CSAD: variants seen among roughly 807,000 people sequenced by gnomAD.
CSAD encodes P-selectin cytoplasmic tail-associated protein.
A neutral mutation model predicts 61.5 loss-of-function variants in CSAD; 47 were observed. That is an observed-to-expected ratio of 0.76 (90% CI 0.60 to 0.97). The LOEUF is 0.97. Ranked by LOEUF, CSAD falls within the 50% of genes least tolerant of loss-of-function variation. CSAD has a pLI of 0.00. For missense variants in CSAD, 611 were observed against 643.6 expected (o/e 0.95, Z 0.55); for synonymous variants, 245 against 252.7 (o/e 0.97, Z 0.29).
intron 10 of CSAD, among the ~76,000 whole-genome samples, chr12:53,165,731 C>G (rs1216705616): frequency 1.3e-5 from 2 of 150,160 alleles, no homozygotes; most frequent in Non-Finnish European, 3.0e-5. Context: ...TAAATTAGAA[C>G]CCTTGTGCAC....
chr12:53,173,293 G>C, intron 4 of CSAD, 52 bp downstream of exon 4: 1 of 1,505,130 alleles, frequency 6.6e-7, no homozygotes, highest in Non-Finnish European at 9.1e-7. Context: ...AAAGAAAAGA[G>C]AAAAGAAAAG....
At chr12:53,180,682 G>C (rs1222751270) in intron 1 of CSAD, 50 bp downstream of exon 1, 1 of 1,275,622 alleles carries the variant, frequency 7.8e-7, no homozygotes, top group South Asian at 1.3e-5. Context: ...CGAGGGGGAG[G>C]GGGAAGTGCT....
upstream of CSAD, chr12:53,180,933 G>A (rs1941568912): frequency 2.0e-6 from 2 of 1,009,378 alleles, no homozygotes; most frequent in Non-Finnish European, 2.4e-6. Context: ...AAGGGGGAGG[G>A]GAGGGGAGGA....
intron 16 of CSAD, 79 bp downstream of exon 16, chr12:53,159,544 C>T: frequency 7.9e-7 from 1 of 1,262,744 alleles, no homozygotes; most frequent in South Asian, 1.3e-5. Flanking sequence ...TGCCATGCCA[C>T]TCCCAGCCAA....
chr12:53,160,762 C>G lies in CSAD; in HGVS notation c.966+1G>C. 3.2e-6 allele frequency: 5 copies of G among 1,551,498 alleles called. No individual in the cohort carries two copies. Among genetic ancestry groups the G allele is most frequent in the Non-Finnish European group, 4.4e-6 (5 of 1,146,880 alleles). On this transcript the variant is annotated splice_donor_variant, in intron 13 of 16. Transcript: ENST00000444623. LOFTEE classifies it high-confidence loss of function. ...TGGTGCAGGGGCAGGGGCAGACCCA[C>G]CGAGGTATCCTGGAGAAGAAGTGCA...
At chr12:53,167,911 C>T (rs1331444172) in intron 10 of CSAD, among the ~76,000 whole-genome samples, 1 of 152,136 alleles carries the variant, frequency 6.6e-6, no homozygotes, top group Admixed American at 6.5e-5. Context: ...TATTTTCACA[C>T]AAAAATCTGT....
At chr12:53,160,340 T>G in intron 13 of CSAD, 21 bp from the exon 14 acceptor site, 1 of 1,610,640 alleles carries the variant, frequency 6.2e-7, no homozygotes, top group Non-Finnish European at 8.5e-7. Flanking sequence ...GTGAGGAGAT[T>G]GTCAGACCCT....
At chr12:53,159,453 GA>G in intron 16 of CSAD, 169 bp downstream of exon 16, 1 of 622,006 alleles carries the variant, frequency 1.6e-6, no homozygotes, top group South Asian at 1.9e-5. Flanking sequence ...TTACTTCCCA[GA>G]AACATACCTT....
In CSAD at chr12:53,160,102, C is replaced by T. The variant is rs944470932; in HGVS notation, c.1166+18G>A. 1.9e-6 allele frequency: 3 copies of T among 1,612,026 alleles called. No individual in the cohort carries two copies. The highest frequency in any genetic ancestry group is 1.7e-5 in the Admixed American group (1 of 60,020). The stretch of plus-strand genomic sequence containing the variant: ...AGGAGAGGGGAACAGGGACGACCCC[C>T]CACCTCCTCCCGCCTACCGGGCAAG... On this transcript the variant is annotated intron_variant, in intron 14 of 16. Coordinates refer to ENST00000444623, the MANE Select transcript of CSAD (RefSeq NM_001244705.2).
chr12:53,180,442 C>A (rs917962376), intron 1 of CSAD: 58 of 1,178,918 alleles, frequency 4.9e-5, no homozygotes, highest in Non-Finnish European at 5.7e-5. Context: ...AGCGTACAAT[C>A]ATCGAAGGGC....
rs373664747 is a variant in CSAD, at chr12:53,158,499, G to A, written c.*12C>T. 3.7e-6 allele frequency: 6 copies of A among 1,608,520 alleles called. No homozygotes were observed. Among genetic ancestry groups the A allele is most frequent in the Non-Finnish European group, 5.1e-6 (6 of 1,176,122 alleles). On this transcript the variant is annotated 3_prime_UTR_variant, in exon 17 of 17. Coordinates refer to ENST00000444623, the MANE Select transcript of CSAD (RefSeq NM_001244705.2). ...GGGGTGGTATCAAGGCCGGCAGCAA[G>A]ACAGAGAAGGCTCACAGGTCCTGGC...
intron 1 of CSAD, chr12:53,179,982 G>T: frequency 6.7e-7 from 1 of 1,502,620 alleles, no homozygotes; most frequent in Non-Finnish European, 8.8e-7. Flanking sequence ...TCTTTTCCAC[G>T]TGTGGAGGCT....
intron 4 of CSAD, 79 bp from the exon 5 acceptor site, chr12:53,172,727 A>T (rs749679562): frequency 1.4e-5 from 21 of 1,467,832 alleles, no homozygotes; most frequent in Middle Eastern, 4.9e-4. Flanking sequence ...CAGACACGAG[A>T]CACGGCCAAC....
intron 10 of CSAD, among the ~76,000 whole-genome samples, chr12:53,163,022 T>G (rs1001716566): frequency 6.6e-6 from 1 of 151,140 alleles, no homozygotes; most frequent in Non-Finnish European, 1.5e-5. Flanking sequence ...GATCACGCCA[T>G]TGCACCTCAG....
chr12:53,171,574 G>C, intron 7 of CSAD, 133 bp from the exon 8 acceptor site: 1 of 815,708 alleles, frequency 1.2e-6, no homozygotes, highest in Non-Finnish European at 1.9e-6. Context: ...CAATTCTCAG[G>C]ATCATACCAT....
rs772808607 is a variant in CSAD, at chr12:53,160,146, G to A, written c.1140C>T (p.Arg380=). The A allele has an allele frequency of 1.5e-5, 24 of 1,613,510 alleles. No individual in the cohort carries two copies. The highest frequency in any genetic ancestry group is 1.7e-5 in the Non-Finnish European group (20 of 1,180,048). ...KAQGDQGLER[R]IDQAFVLARY... ...GGGCAAGGACAAAGGCCTGGTCGAT[G>A]CGCCGCTCCAGCCCTTGATCGCCCT... Residue 380 remains arginine, a synonymous_variant, in exon 14 of 17, where the codon CGC becomes CGT. Coordinates refer to ENST00000444623, the MANE Select transcript of CSAD (RefSeq NM_001244705.2).
intron 10 of CSAD, among the ~76,000 whole-genome samples, chr12:53,163,061 CAAAAAAAAAA>C (rs139430790): frequency 2.8e-4 from 31 of 112,524 alleles, no homozygotes; most frequent in African/African-American, 9.5e-4. Context: ...AACTCTGTCT[CAAAAAAAAAA>C]AAAAGAAAAA....
At chr12:53,180,987 GA>G, upstream of CSAD, 1 of 624,814 alleles carries the variant, frequency 1.6e-6, no homozygotes, top group Non-Finnish European at 2.1e-6. Context: ...GGAGGGAGGG[GA>G]AAGGCCGTGC....
rs1414893812 is a variant in CSAD, at chr12:53,180,763, G to A, written c.-122C>T. Reference sequence around the variant, plus strand: ...CCCGGTGGGGGCAGCCGCGGCGGTGGGGTTGGCAGGGTGTGCTGGGGCCTG... The same window carrying A: ...CCCGGTGGGGGCAGCCGCGGCGGTGAGGTTGGCAGGGTGTGCTGGGGCCTG... On this transcript the variant is annotated 5_prime_UTR_variant, in exon 1 of 17. Coordinates refer to ENST00000444623, the MANE Select transcript of CSAD (RefSeq NM_001244705.2). The A allele has an allele frequency of 2.8e-5, 35 of 1,269,738 alleles. No homozygotes were observed. Among genetic ancestry groups the A allele is most frequent in the Non-Finnish European group, 3.5e-5 (34 of 980,352 alleles). 78.7% of individuals were successfully genotyped at this position (1,269,738 alleles called of 1,614,324 possible).
Sources: gnomAD v4.1 joint callset for allele counts (sites outside exome capture counted in the v4.1 genomes callset) on GRCh38, gnomAD v4.1.1 for gene constraint, MANE v1.5 for transcripts, NCBI Gene and HGNC (gene_info 2026-07-23, HGNC 2026-07-21) for gene names.